Variants in PHLDA3 observed in about 807,000 individuals in gnomAD.
PHLDA3 encodes pleckstrin homology-like domain family A member 3.
PHLDA3 carries 12 observed loss-of-function variants against 7.6 expected under a neutral mutation model. That is an observed-to-expected ratio of 1.58 (90% CI 1.01 to 2.55). The LOEUF is 2.55. Ranked by LOEUF, PHLDA3 falls within the 30% of genes most tolerant of loss-of-function variation. The pLI, the probability that PHLDA3 is intolerant of heterozygous loss-of-function variation, is 0.00. For missense variants in PHLDA3, 177 were observed against 175.6 expected, an observed-to-expected ratio of 1.01 and a Z score of -0.05; for synonymous variants, 104 against 85.1, an observed-to-expected ratio of 1.22 and a Z score of -1.23.
intron 1 of PHLDA3, chr1:201,467,614 C>T (rs1170317567): frequency 6.8e-6 from 1 of 147,896 alleles, no homozygotes; most frequent in African/African-American, 2.5e-5. Flanking sequence ...CTGTCTCAAA[C>T]AACAACAACA....
Position 201,468,769 on chromosome 1 carries a change from C to G in PHLDA3, c.18G>C (p.Thr6=). The G allele has an allele frequency of 2.6e-6, 4 of 1,563,802 alleles. No individual in the cohort carries two copies. The highest frequency in any genetic ancestry group is 3.4e-6 in the Non-Finnish European group (4 of 1,162,676). MTAAA[T]ATVLKEGVLE... ...GCACGCCCTCCTTGAGCACGGTAGC[C>G]GTCGCCGCCGCCGTCATGGGCGCCC... The change falls in exon 1 of 2, where the codon ACG becomes ACC. Residue 6 remains threonine, a synonymous_variant. Transcript: ENST00000367311.
chr1:201,466,600 G>A (rs953407419), intron 1 of PHLDA3: 1 of 152,146 alleles, frequency 6.6e-6, no homozygotes, highest in Non-Finnish European at 1.5e-5. Context: ...AGGCTAGAAG[G>A]AAGGCTAAAT....
rs945305128 is a variant in PHLDA3 at position 201,465,212 on chromosome 1, G to C, written c.*1029C>G. The C allele has an allele frequency of 6.6e-6, 1 of 152,254 alleles. No individual in the cohort carries two copies. Among genetic ancestry groups the C allele is most frequent in the African/African-American group, 2.4e-5 (1 of 41,446 alleles). The allele number at this position is 152,254 out of a possible 1,614,324, so 9.4% of individuals were successfully genotyped here. On this transcript the variant is annotated 3_prime_UTR_variant, in exon 2 of 2. Transcript: ENST00000367311. Reference sequence around the variant, plus strand: ...TATAAATGACAGGGAGACAAACTCTGCCCAGAAAGCTGAGGCTTCTCCCAG... The same window carrying C: ...TATAAATGACAGGGAGACAAACTCTCCCCAGAAAGCTGAGGCTTCTCCCAG...
At position 201,466,042 on chromosome 1, in the gene PHLDA3, A is replaced by C. The variant is rs1052911787; in HGVS notation, c.*199T>G. 8.4e-5 allele frequency: 13 copies of C among 154,880 alleles called. No homozygotes were observed. Among genetic ancestry groups the C allele is most frequent in the Admixed American group, 4.6e-4 (7 of 15,280 alleles). 9.6% of individuals were successfully genotyped at this position (154,880 alleles called of 1,614,324 possible). A position where few individuals can be genotyped will look rare whatever the true frequency, so the allele number is the denominator to read the frequency against. ...ATCCAGGGGCTGCATCTTCATCCTCAGCCCTGCGTAGCCTTCTGCCCTCCT... is the reference window on the plus strand; with the variant it reads ...ATCCAGGGGCTGCATCTTCATCCTCCGCCCTGCGTAGCCTTCTGCCCTCCT... On this transcript the variant is annotated 3_prime_UTR_variant, in exon 2 of 2. Transcript: ENST00000367311.
chr1:201,465,671 G>A lies in PHLDA3; in HGVS notation c.*570C>T, dbSNP rs190601783. 8 of 155,166 alleles carry A rather than the reference G, an allele frequency of 5.2e-5. No individual in the cohort carries two copies. In the East Asian group the frequency reaches 1.5e-3, roughly 30 times the overall value. The allele number at this position is 155,166 out of a possible 1,614,324, so 9.6% of individuals were successfully genotyped here. On this transcript the variant is annotated 3_prime_UTR_variant, in exon 2 of 2. Transcript: ENST00000367311. ...CCTGGATGGGTGGGGGTCCCAAAAG[G>A]ACCTAAGCAGCAGGAGACCCCCAGG...
chr1:201,466,765 T>G (rs994763230), intron 1 of PHLDA3: 4 of 151,764 alleles, frequency 2.6e-5, no homozygotes, highest in African/African-American at 9.7e-5. Context: ...GCCCTACTGC[T>G]CATAGAGGAT....
rs1353372861 is a variant in PHLDA3, at chr1:201,464,363, T to C, written c.*1878A>G. 1 of 152,142 alleles carries C rather than the reference T, an allele frequency of 6.6e-6. No homozygotes were observed. The highest frequency in any genetic ancestry group is 1.5e-5 in the Non-Finnish European group (1 of 68,044). The allele number at this position is 152,142 out of a possible 1,614,324, so 9.4% of individuals were successfully genotyped here. ...TGCCATGGTGGGATTAAGCCACCCATGGACAATTGTACAATTGGATACAGT... is the reference window on the plus strand; with the variant it reads ...TGCCATGGTGGGATTAAGCCACCCACGGACAATTGTACAATTGGATACAGT... On this transcript the variant is annotated 3_prime_UTR_variant, in exon 2 of 2. Coordinates refer to ENST00000367311, the MANE Select transcript of PHLDA3 (RefSeq NM_012396.5).
Position 201,468,523 on chromosome 1 carries a change from G to A in PHLDA3, c.264C>T (p.Pro88=), listed in dbSNP as rs1443058176. The part of the protein sequence containing the change: ...EGGGEIDFRC[P]LEDPGWNAQI... ...GGGCGTTCCAGCCGGGATCTTCCAG[G>A]GGGCAGCGGAAGTCGATCTCGCCGC... Residue 88 remains proline, a synonymous_variant, in exon 1 of 2, where the codon CCC becomes CCT. Coordinates refer to ENST00000367311, the MANE Select transcript of PHLDA3 (RefSeq NM_012396.5). The A allele has an allele frequency of 6.2e-7, 1 of 1,614,164 alleles. No individual in the cohort carries two copies. The highest frequency in any genetic ancestry group is 8.5e-7 in the Non-Finnish European group (1 of 1,180,022).
intron 1 of PHLDA3, chr1:201,466,657 T>C (rs1663672063): frequency 6.6e-6 from 1 of 152,206 alleles, no homozygotes; most frequent in Non-Finnish European, 1.5e-5. Context: ...GAGTGGCATC[T>C]GGGGAAGAGG....
rs1183236859 is a variant in PHLDA3, at chr1:201,465,202, GACAA to G, written c.*1035_*1038del. ...AGCCTGAGAGTATAAATGACAGGGA[GACAA>G]ACTCTGCCCAGAAAGCTGAGGCTTC... On this transcript the variant is annotated 3_prime_UTR_variant, in exon 2 of 2. Coordinates refer to ENST00000367311, the MANE Select transcript of PHLDA3 (RefSeq NM_012396.5). The G allele has an allele frequency of 3.3e-5, 5 of 152,236 alleles. No homozygotes were observed. The highest frequency in any genetic ancestry group is 1.2e-4 in the African/African-American group (5 of 41,446). 9.4% of individuals were successfully genotyped at this position (152,236 alleles called of 1,614,324 possible).
In PHLDA3 at chr1:201,464,551, G is replaced by A. The variant is rs539862366; in HGVS notation, c.*1690C>T. ...TTGGAAGGCGAGAGAAATCTGAACG[G>A]GAACAAAACAGGTTGGAAGCACAAA... On this transcript the variant is annotated 3_prime_UTR_variant, in exon 2 of 2. Coordinates refer to ENST00000367311, the MANE Select transcript of PHLDA3 (RefSeq NM_012396.5). 42 of 152,336 alleles carry A rather than the reference G, an allele frequency of 2.8e-4. No homozygotes were observed. The highest frequency in any genetic ancestry group is 1.0e-3 in the African/African-American group (42 of 41,558). 9.4% of individuals were successfully genotyped at this position (152,336 alleles called of 1,614,324 possible).
chr1:201,468,888 C>A lies in PHLDA3; in HGVS notation c.-102G>T. On this transcript the variant is annotated 5_prime_UTR_variant, in exon 1 of 2. Coordinates refer to ENST00000367311, the MANE Select transcript of PHLDA3 (RefSeq NM_012396.5). ...TGGCGCCCCGGGCTGGCAGGCCGTG[C>A]GCGCTGCCCACCTGCGCCCTGACTG... The A allele has an allele frequency of 7.8e-7, 1 of 1,287,626 alleles. No individual in the cohort carries two copies. Among genetic ancestry groups the A allele is most frequent in the Non-Finnish European group, 1.0e-6 (1 of 997,900 alleles). 79.8% of individuals were successfully genotyped at this position (1,287,626 alleles called of 1,614,324 possible). A position where few individuals can be genotyped will look rare whatever the true frequency, so the allele number is the denominator to read the frequency against.
chr1:201,465,623 GGAA>G lies in PHLDA3; in HGVS notation c.*615_*617del, dbSNP rs966802658. ...TGGGGGGAAGATGCGTAGAGGTGGG[GGAA>G]GAAGTGTGCAAAGAAAGGGCCTGGA... On this transcript the variant is annotated 3_prime_UTR_variant, in exon 2 of 2. Coordinates refer to ENST00000367311, the MANE Select transcript of PHLDA3 (RefSeq NM_012396.5). 1 of 155,052 alleles carries G rather than the reference GGAA, an allele frequency of 6.4e-6. No individual in the cohort carries two copies. Among genetic ancestry groups the G allele is most frequent in the Non-Finnish European group, 1.5e-5 (1 of 68,400 alleles). The allele number at this position is 155,052 out of a possible 1,614,324, so 9.6% of individuals were successfully genotyped here.
Position 201,468,972 on chromosome 1 carries a change from C to A in PHLDA3, c.-186G>T, listed in dbSNP as rs1663757267. On this transcript the variant is annotated 5_prime_UTR_variant, in exon 1 of 2. Coordinates refer to ENST00000367311, the MANE Select transcript of PHLDA3 (RefSeq NM_012396.5). Reference sequence around the variant, plus strand: ...GGCTGCCGGTGAGGTGGTGTCGGTGCCCCCAGCGCGCTCCGCGCCCACCGC... The same window carrying A: ...GGCTGCCGGTGAGGTGGTGTCGGTGACCCCAGCGCGCTCCGCGCCCACCGC... The A allele has an allele frequency of 1.9e-6, 1 of 538,408 alleles. No individual in the cohort carries two copies. 33.4% of individuals were successfully genotyped at this position (538,408 alleles called of 1,614,324 possible).
At chr1:201,466,912 C>G (rs555147756) in intron 1 of PHLDA3, among the ~76,000 whole-genome samples, 10 of 152,146 alleles carry the variant, frequency 6.6e-5, no homozygotes, top group Non-Finnish European at 1.3e-4. Flanking sequence ...AGGTAGACAG[C>G]TAGGCCCCCA....
In PHLDA3 at chr1:201,464,458, C is replaced by T. The variant is rs1410211898; in HGVS notation, c.*1783G>A. 2 of 152,232 alleles carry T rather than the reference C, an allele frequency of 1.3e-5. No individual in the cohort carries two copies. Among genetic ancestry groups the T allele is most frequent in the African/African-American group, 2.4e-5 (1 of 41,450 alleles). The allele number at this position is 152,232 out of a possible 1,614,324, so 9.4% of individuals were successfully genotyped here. ...ATTCAACTGTGTGATGTAATTCACA[C>T]ATCAGATGAGCAAGTTGAACCTCTT... On this transcript the variant is annotated 3_prime_UTR_variant, in exon 2 of 2. Coordinates refer to ENST00000367311, the MANE Select transcript of PHLDA3 (RefSeq NM_012396.5).
Position 201,468,758 on chromosome 1 carries a change from A to G in PHLDA3, c.29T>C (p.Leu10Pro), listed in dbSNP as rs1663749113. 6.3e-7 allele frequency: 1 copy of G among 1,580,312 alleles called. No individual in the cohort carries two copies. Among genetic ancestry groups the G allele is most frequent in the Non-Finnish European group, 8.5e-7 (1 of 1,170,274 alleles). The part of the protein sequence containing the change: MTAAATATV[L>P]KEGVLEKRSG... The stretch of plus-strand genomic sequence containing the variant: ...GCGCTTCTCCAGCACGCCCTCCTTG[A>G]GCACGGTAGCCGTCGCCGCCGCCGT... Residue 10 changes from leucine to proline, a missense_variant, in exon 1 of 2, where the codon CTC (leucine) becomes CCC (proline). Leu to Pro is a moderately conservative substitution (Grantham distance 98, BLOSUM62 -3). Coordinates refer to ENST00000367311, the MANE Select transcript of PHLDA3 (RefSeq NM_012396.5).
rs771495514 is a variant in PHLDA3, at chr1:201,468,580, G to A, written c.207C>T (p.Arg69=). ...CGGTCACCAGCGTGAAGTAGATGTG[G>A]CGCCCGGTGCTCTCCACGCACTCCA... ...KAVECVESTG[R]HIYFTLVTEG... The change falls in exon 1 of 2, where the codon CGC becomes CGT. Residue 69 remains arginine, a synonymous_variant. Transcript: ENST00000367311. 1 of 1,614,002 alleles carries A rather than the reference G, an allele frequency of 6.2e-7. No homozygotes were observed. Among genetic ancestry groups the A allele is most frequent in the Non-Finnish European group, 8.5e-7 (1 of 1,180,034 alleles).
Position 201,468,908 on chromosome 1 carries a change from T to A in PHLDA3, c.-122A>T, listed in dbSNP as rs1487537840. On this transcript the variant is annotated 5_prime_UTR_variant, in exon 1 of 2. Transcript: ENST00000367311. ...CCGTGCGCGCTGCCCACCTGCGCCCTGACTGCTCCGCGCACCCACACCGCG... is the reference window on the plus strand; with the variant it reads ...CCGTGCGCGCTGCCCACCTGCGCCCAGACTGCTCCGCGCACCCACACCGCG... 8.9e-7 allele frequency: 1 copy of A among 1,123,458 alleles called. No homozygotes were observed. 69.6% of individuals were successfully genotyped at this position (1,123,458 alleles called of 1,614,324 possible).
Sources: gnomAD v4.1 joint callset for allele counts (sites outside exome capture counted in the v4.1 genomes callset) on GRCh38, gnomAD v4.1.1 for gene constraint, MANE v1.5 for transcripts, NCBI Gene and HGNC (gene_info 2026-07-23, HGNC 2026-07-21) for gene names.